PCDH17: variants seen among roughly 807,000 people sequenced by gnomAD.
PCDH17 encodes the protein protocadherin-17.
In PCDH17, 21 loss-of-function variants were observed where a neutral mutation model predicts 67.7. The ratio of observed to expected loss-of-function variants is 0.31; its 90% CI spans 0.22 to 0.45. PCDH17 has a LOEUF of 0.45. Among genes scored for constraint, PCDH17 ranks in the 20% least tolerant of loss-of-function variants. PCDH17 has a pLI of 1.00. For missense variants in PCDH17, 1,471 were observed against 1,564.8 expected (o/e 0.94, Z 1.01); for synonymous variants, 701 against 656.7 (o/e 1.07, Z -1.03).
intron 1 of PCDH17, among the ~76,000 whole-genome samples, chr13:57,656,673 G>A (rs1673611370): frequency 6.6e-6 from 1 of 152,094 alleles, no homozygotes; most frequent in Admixed American, 6.6e-5. Context: ...AGAAAGCAGA[G>A]GAATGTCTCC....
intron 3 of PCDH17, among the ~76,000 whole-genome samples, chr13:57,710,863 G>A (rs1367220788): frequency 6.6e-6 from 1 of 151,946 alleles, no homozygotes; most frequent in Non-Finnish European, 1.5e-5. Flanking sequence ...GGAAACTGGA[G>A]TAAAAATAGA....
rs1455117594 is a variant in PCDH17 at position 57,684,337 on chromosome 13, C to T, written c.2797+17504C>T. On this transcript the variant is annotated intron_variant, in intron 3 of 3. Coordinates refer to ENST00000377918, the MANE Select transcript of PCDH17 (RefSeq NM_001040429.3). ...GCACACATTCACATATATATAAACA[C>T]ACATTATTTTATTTAAACACATATA... 3.3e-5 allele frequency among the ~76,000 whole-genome samples: 5 copies of T among 151,972 alleles called. No homozygotes were observed. In the East Asian group the frequency reaches 7.8e-4, roughly 24 times the overall value.
chr13:57,656,338 T>C (rs1430108441), intron 1 of PCDH17, among the ~76,000 whole-genome samples: 2 of 152,140 alleles, frequency 1.3e-5, no homozygotes, highest in African/African-American at 4.8e-5. Context: ...TTTGTAAAAA[T>C]GTATTTTCGC....
chr13:57,710,295 T>G (rs1955763807), intron 3 of PCDH17, among the ~76,000 whole-genome samples: 1 of 151,928 alleles, frequency 6.6e-6, no homozygotes, highest in Non-Finnish European at 1.5e-5. Context: ...TAAGTGTTAC[T>G]TTGTGAAAAT....
rs780263102 is a variant in PCDH17, at chr13:57,724,714, C to A, written c.2900C>A (p.Ala967Glu). 8 of 1,613,888 alleles carry A rather than the reference C, an allele frequency of 5.0e-6. No individual in the cohort carries two copies. The South Asian group carries it at 8.8e-5, about 18-fold the overall frequency. Reference sequence around the variant, plus strand: ...CCTGCAGCCAATCAGGCTGAAAATGCAGATTACCGCACAAATCTCTTTGTA... The same window carrying A: ...CCTGCAGCCAATCAGGCTGAAAATGAAGATTACCGCACAAATCTCTTTGTA... ...QFPAANQAENADYRTNLFVPT... is the reference protein window; with the variant it reads ...QFPAANQAENEDYRTNLFVPT... Residue 967 changes from alanine (A) to glutamate (E), a missense_variant, in exon 4 of 4, where the codon GCA becomes GAA. Physicochemically the swap from Ala to Glu is moderately radical, Grantham distance 107. This residue lies in a region of PCDH17 where 297 missense variants were observed against 298.6 expected (regional missense o/e 0.99). Transcript: ENST00000377918.
upstream of PCDH17, among the ~76,000 whole-genome samples, chr13:57,630,289 A>G (rs1954701698): frequency 6.6e-6 from 1 of 151,692 alleles, no homozygotes; most frequent in Admixed American, 6.6e-5. Flanking sequence ...TCTTTCTCAG[A>G]CTGTGGGGTG....
chr13:57,702,664 T>C (rs1276796631), intron 3 of PCDH17, among the ~76,000 whole-genome samples: 4 of 152,130 alleles, frequency 2.6e-5, no homozygotes, highest in Admixed American at 6.6e-5. Context: ...ATAGTAGATA[T>C]ACTCTCCCTT....
At chr13:57,661,785 C>T (rs1450294701) in intron 1 of PCDH17, among the ~76,000 whole-genome samples, 1 of 152,128 alleles carries the variant, frequency 6.6e-6, no homozygotes, top group Non-Finnish European at 1.5e-5. Context: ...TCTGGACAGT[C>T]TTCTGTTCCA....
chr13:57,642,563 G>A (rs1380459092), intron 1 of PCDH17, among the ~76,000 whole-genome samples: 1 of 151,472 alleles, frequency 6.6e-6, no homozygotes, highest in African/African-American at 2.4e-5. Flanking sequence ...TCATTCAGCT[G>A]TTTTTGATAA....
At chr13:57,684,591 A>G (rs1362352437) in intron 3 of PCDH17, among the ~76,000 whole-genome samples, 1 of 151,872 alleles carries the variant, frequency 6.6e-6, no homozygotes, top group African/African-American at 2.4e-5. Flanking sequence ...TTATTTATCA[A>G]CCTAATTATT....
At chr13:57,711,664 A>G (rs972097229) in intron 3 of PCDH17, among the ~76,000 whole-genome samples, 15 of 151,794 alleles carry the variant, frequency 9.9e-5, no homozygotes, top group African/African-American at 3.4e-4. Context: ...AAACTCTTCA[A>G]TTTAGAATAC....
chr13:57,677,569 A>G (rs974418577), intron 3 of PCDH17, among the ~76,000 whole-genome samples: 1 of 151,786 alleles, frequency 6.6e-6, no homozygotes, highest in African/African-American at 2.4e-5. Context: ...AGTTATCAGT[A>G]AGAACGGGAA....
intron 3 of PCDH17, among the ~76,000 whole-genome samples, chr13:57,718,019 C>T (rs1593950530): frequency 6.6e-6 from 1 of 151,998 alleles, no homozygotes; most frequent in African/African-American, 2.4e-5. Context: ...GATATATTTT[C>T]CTCATTATAT....
intron 1 of PCDH17, among the ~76,000 whole-genome samples, chr13:57,659,457 C>T (rs79606773): frequency 1.3e-3 from 198 of 151,994 alleles, no homozygotes; most frequent in Non-Finnish European, 1.3e-3. Context: ...ACCATTATTT[C>T]ATATCATTAC....
intron 1 of PCDH17, among the ~76,000 whole-genome samples, chr13:57,660,079 GA>G (rs1244246607): frequency 6.6e-6 from 1 of 151,680 alleles, no homozygotes; most frequent in East Asian, 1.9e-4. Context: ...TACTAAAGAA[GA>G]AAAAAGAAAA....
chr13:57,644,223 C>T (rs1265865276), intron 1 of PCDH17, among the ~76,000 whole-genome samples: 1 of 151,536 alleles, frequency 6.6e-6, no homozygotes, highest in Non-Finnish European at 1.5e-5. Flanking sequence ...AATAAGAGAA[C>T]CATCCTATTA....
rs557387277 is a variant in PCDH17, at chr13:57,659,918, G to A, written c.2566-6550G>A. Among the ~76,000 whole-genome samples, 81 of 152,026 alleles carry A rather than the reference G, an allele frequency of 5.3e-4. 1 individual carries two copies. The highest frequency in any genetic ancestry group is 1.1e-3 in the Non-Finnish European group (74 of 67,960). On this transcript the variant is annotated intron_variant, in intron 1 of 3. Coordinates refer to ENST00000377918, the MANE Select transcript of PCDH17 (RefSeq NM_001040429.3). ...CTGGGTAAATCAGAGATACACACAAGAAAAAAATTCTTTGGAAGAAATAAA... is the reference window on the plus strand; with the variant it reads ...CTGGGTAAATCAGAGATACACACAAAAAAAAAATTCTTTGGAAGAAATAAA...
At chr13:57,695,479 C>A (rs1225211562) in intron 3 of PCDH17, among the ~76,000 whole-genome samples, 1 of 150,704 alleles carries the variant, frequency 6.6e-6, no homozygotes, top group Non-Finnish European at 1.5e-5. Context: ...AAAGGAAAGA[C>A]AGAATGGTGG....
chr13:57,642,436 A>T (rs1202207955), intron 1 of PCDH17, among the ~76,000 whole-genome samples: 2 of 151,682 alleles, frequency 1.3e-5, no homozygotes, highest in Non-Finnish European at 3.0e-5. Context: ...TTAGACAATG[A>T]CTTGATATTC....
Sources: gnomAD v4.1 joint callset for allele counts (sites outside exome capture counted in the v4.1 genomes callset) on GRCh38, gnomAD v4.1.1 for gene constraint, gnomAD v4.1.1 regional missense constraint, MANE v1.5 for transcripts, NCBI Gene and HGNC (gene_info 2026-07-23, HGNC 2026-07-21) for gene names.